The following TNFSF4 variants were observed in gnomAD, a reference collection of about 807,000 sequenced individuals.
The protein encoded by TNFSF4 is tumor necrosis factor ligand superfamily member 4.
In TNFSF4, 4 loss-of-function variants were observed where a neutral mutation model predicts 7.3. The ratio of observed to expected loss-of-function variants is 0.55; its 90% CI spans 0.27 to 1.25. The LOEUF (loss-of-function observed/expected upper bound fraction) is 1.25. Among genes scored for constraint, TNFSF4 ranks in the 50% most tolerant of loss-of-function variants. The probability of loss-of-function intolerance (pLI) is 0.12; values close to 1 mark genes in which losing one functional copy is unlikely to be tolerated. For synonymous variants in TNFSF4, 76 were observed against 83.7 expected (o/e 0.91, Z 0.50); for missense variants, 181 against 208.8 (o/e 0.87, Z 0.82).
chr1:173,411,307 G>A, the TNFSF4 span, among the ~76,000 whole-genome samples: 2 of 152,172 alleles, frequency 1.3e-5, no homozygotes, highest in Non-Finnish European at 2.9e-5. Context: ...AGGAGACCTG[G>A]GTTCCAGCTG....
the TNFSF4 span, among the ~76,000 whole-genome samples, chr1:173,308,722 G>A: frequency 2.3e-3 from 344 of 151,998 alleles, 2 homozygotes; most frequent in African/African-American, 7.1e-3. Context: ...TTATCTGGGG[G>A]CTCAGCTGGA....
chr1:173,277,695 A>G, the TNFSF4 span, among the ~76,000 whole-genome samples: 1 of 152,140 alleles, frequency 6.6e-6, no homozygotes, highest in African/African-American at 2.4e-5. Context: ...AGGCAATGCT[A>G]ATAATAATGG....
At chr1:173,363,075 T>C in the TNFSF4 span, 6 of 355,996 alleles carry the variant, frequency 1.7e-5, no homozygotes, top group South Asian at 1.8e-4. Context: ...CCTTAGTTTG[T>C]ACATGTTTCC....
the TNFSF4 span, among the ~76,000 whole-genome samples, chr1:173,336,686 A>C: frequency 6.6e-6 from 1 of 152,160 alleles, no homozygotes; most frequent in Non-Finnish European, 1.5e-5. Flanking sequence ...CATTATGCCA[A>C]TTGGAACTAG....
At chr1:173,395,424 A>ATG in the TNFSF4 span, among the ~76,000 whole-genome samples, 1 of 132,694 alleles carries the variant, frequency 7.5e-6, no homozygotes, top group African/African-American at 2.8e-5. Context: ...ATATATGGAG[A>ATG]GAGAGAGAGA....
the TNFSF4 span, among the ~76,000 whole-genome samples, chr1:173,346,983 G>T: frequency 6.6e-6 from 1 of 152,184 alleles, no homozygotes; most frequent in Admixed American, 6.5e-5. Context: ...GGCAACATTT[G>T]TTATACATAG....
the TNFSF4 span, among the ~76,000 whole-genome samples, chr1:173,264,965 C>T: frequency 6.6e-6 from 1 of 152,182 alleles, no homozygotes; most frequent in East Asian, 1.9e-4. Context: ...CAGACCATCA[C>T]AACACAAGGC....
the TNFSF4 span, among the ~76,000 whole-genome samples, chr1:173,258,765 G>A: frequency 6.6e-6 from 1 of 152,166 alleles, no homozygotes; most frequent in South Asian, 2.1e-4. Flanking sequence ...GTGGGACCCA[G>A]ATCCGTCCCT....
At chr1:173,315,047 G>C in the TNFSF4 span, among the ~76,000 whole-genome samples, 1 of 152,152 alleles carries the variant, frequency 6.6e-6, no homozygotes, top group African/African-American at 2.4e-5. Context: ...AACAAAGAAA[G>C]ATGAGGAAGG....
downstream of TNFSF4, among the ~76,000 whole-genome samples, chr1:173,182,978 A>G (rs975657286): frequency 3.3e-5 from 5 of 152,212 alleles, no homozygotes; most frequent in African/African-American, 1.2e-4. Context: ...CAGCATCACC[A>G]GATCTCCTGT....
At chr1:173,429,009 G>GA in the TNFSF4 span, among the ~76,000 whole-genome samples, 5,429 of 141,634 alleles carry the variant, frequency 0.038, 114 homozygotes, top group Admixed American at 0.054. Context: ...TCTGTCTAAG[G>GA]AAAAAAAAAA....
the TNFSF4 span, among the ~76,000 whole-genome samples, chr1:173,348,061 A>G: frequency 1.3e-5 from 2 of 152,218 alleles, no homozygotes; most frequent in Non-Finnish European, 2.9e-5. Flanking sequence ...AGCAGAACTT[A>G]GAAGAAAGCA....
chr1:173,221,754 A>T, the TNFSF4 span, among the ~76,000 whole-genome samples: 1 of 152,210 alleles, frequency 6.6e-6, no homozygotes, highest in Admixed American at 6.5e-5. Flanking sequence ...AAACTAAAGC[A>T]CAGAGAGGTT....
the TNFSF4 span, among the ~76,000 whole-genome samples, chr1:173,251,984 A>G: frequency 1.3e-5 from 2 of 152,202 alleles, no homozygotes; most frequent in South Asian, 2.1e-4. Context: ...AAAATAAGGT[A>G]AATGCCCTGT....
Position 173,185,110 on chromosome 1 carries a change from TTCCTTGATAACACAGAATCA to T in TNFSF4, c.*1386_*1405del, listed in dbSNP as rs1321956494. 5 of 152,218 alleles carry T rather than the reference TTCCTTGATAACACAGAATCA, an allele frequency of 3.3e-5. No individual in the cohort carries two copies. The highest frequency in any genetic ancestry group is 3.3e-4 in the Admixed American group (5 of 15,282). The allele number at this position is 152,218 out of a possible 1,614,324, so 9.4% of individuals were successfully genotyped here. A position where few individuals can be genotyped will look rare whatever the true frequency, so the allele number is the denominator to read the frequency against. On this transcript the variant is annotated 3_prime_UTR_variant, in exon 3 of 3. Coordinates refer to ENST00000281834, the MANE Select transcript of TNFSF4 (RefSeq NM_003326.5). ...TAGAGATAATTGTAGCACAGTACAA[TTCCTTGATAACACAGAATCA>T]TCCAGAAAGATTCTGTGATGTTGTA... is the stretch of plus-strand genomic sequence containing the variant.
chr1:173,230,838 A>T, the TNFSF4 span, among the ~76,000 whole-genome samples: 1 of 152,216 alleles, frequency 6.6e-6, no homozygotes, highest in Non-Finnish European at 1.5e-5. Flanking sequence ...TAAACTAGAA[A>T]ATCTAGAAGA....
the TNFSF4 span, among the ~76,000 whole-genome samples, chr1:173,337,015 A>G: frequency 6.6e-6 from 1 of 152,168 alleles, no homozygotes; most frequent in African/African-American, 2.4e-5. Flanking sequence ...GGCTCCAAAA[A>G]AGGAAAGGCT....
At chr1:173,181,238 C>A (rs1450181072), downstream of TNFSF4, among the ~76,000 whole-genome samples, 2 of 152,146 alleles carry the variant, frequency 1.3e-5, no homozygotes, top group African/African-American at 4.8e-5. Flanking sequence ...GCTAATATTT[C>A]TACAACTTTG....
chr1:173,364,009 A>ACAG, the TNFSF4 span, among the ~76,000 whole-genome samples: 4 of 152,200 alleles, frequency 2.6e-5, no homozygotes, highest in Non-Finnish European at 4.4e-5. Context: ...GTAATAAATA[A>ACAG]CAGATATTTT....
Sources: allele counts gnomAD v4.1 joint callset (sites outside exome capture counted in the v4.1 genomes callset), GRCh38; gene constraint gnomAD v4.1.1; transcripts MANE v1.5; gene names NCBI Gene and HGNC (gene_info 2026-07-23, HGNC 2026-07-21).